The following TMEM87B variants were observed in gnomAD, a reference collection of about 807,000 sequenced individuals.
TMEM87B encodes transmembrane protein 87B.
TMEM87B carries 83 observed loss-of-function variants against 80.3 expected under a neutral mutation model. The ratio of observed to expected loss-of-function variants is 1.03; its 90% CI spans 0.87 to 1.24. The LOEUF is 1.24. TMEM87B is among the 50% of genes most tolerant of loss of function. The pLI, the probability that TMEM87B is intolerant of heterozygous loss-of-function variation, is 0.00. For missense variants in TMEM87B, 625 were observed against 674.4 expected, an observed-to-expected ratio of 0.93 and a Z score of 0.81; for synonymous variants, 219 against 230.5, an observed-to-expected ratio of 0.95 and a Z score of 0.45.
At chr2:112,107,903 C>A in intron 17 of TMEM87B, 63 bp downstream of exon 17, 2 of 1,171,502 alleles carry the variant, frequency 1.7e-6, no homozygotes, top group South Asian at 1.5e-5. Context: ...AGGGATCGTT[C>A]TCATCCTTTG....
At chr2:112,080,982 C>T (rs1678978432) in intron 6 of TMEM87B, 75 bp from the exon 7 acceptor site, 3 of 1,308,496 alleles carry the variant, frequency 2.3e-6, no homozygotes, top group Non-Finnish European at 3.3e-6. Flanking sequence ...ATTCTTGGAG[C>T]CTTCTGGGAA....
chr2:112,068,442 C>T (rs1320811565), intron 4 of TMEM87B, among the ~76,000 whole-genome samples: 1 of 152,188 alleles, frequency 6.6e-6, no homozygotes, highest in Admixed American at 6.5e-5. Context: ...CAATGGCTCG[C>T]ACCCATAATC....
intron 11 of TMEM87B, chr2:112,095,262 T>C: frequency 1.0e-6 from 1 of 968,928 alleles, no homozygotes; most frequent in Non-Finnish European, 1.2e-6. Flanking sequence ...CTGGCCAGCC[T>C]CCCCCTCTCT....
intron 4 of TMEM87B, among the ~76,000 whole-genome samples, chr2:112,070,396 T>C (rs1274855572): frequency 6.6e-6 from 1 of 152,258 alleles, no homozygotes; most frequent in East Asian, 1.9e-4. Context: ...TGCATATGGC[T>C]AGCCAGTTAT....
At chr2:112,075,637 C>T (rs1423392776) in intron 5 of TMEM87B, among the ~76,000 whole-genome samples, 2 of 152,078 alleles carry the variant, frequency 1.3e-5, no homozygotes, top group Non-Finnish European at 1.5e-5. Flanking sequence ...TTTTGGCATT[C>T]TGGGGAATTA....
intron 8 of TMEM87B, among the ~76,000 whole-genome samples, chr2:112,085,675 T>C (rs928934073): frequency 6.6e-6 from 1 of 152,218 alleles, no homozygotes. Flanking sequence ...CTAGAGGATG[T>C]TGTGGTTTTT....
At chr2:112,061,657 GA>G (rs150384221) in intron 2 of TMEM87B, among the ~76,000 whole-genome samples, 3 of 151,536 alleles carry the variant, frequency 2.0e-5, no homozygotes, top group African/African-American at 7.3e-5. Flanking sequence ...AAGTTATATG[GA>G]AAAAAAAGTA....
chr2:112,101,151 T>G (rs894318816), intron 15 of TMEM87B, among the ~76,000 whole-genome samples: 9 of 152,184 alleles, frequency 5.9e-5, no homozygotes, highest in Non-Finnish European at 1.2e-4. Flanking sequence ...TTTATTAATT[T>G]TATTGTAATC....
intron 15 of TMEM87B, 37 bp downstream of exon 15, chr2:112,100,732 C>T (rs1679608262): frequency 2.3e-6 from 3 of 1,301,462 alleles, no homozygotes; most frequent in Non-Finnish European, 3.3e-6. Flanking sequence ...GACCATTGTA[C>T]ATATTGCAAC....
chr2:112,055,393 T>C lies in TMEM87B; in HGVS notation c.-199T>C. The C allele has an allele frequency of 1.7e-6, 1 of 588,600 alleles. No individual in the cohort carries two copies. The highest frequency in any genetic ancestry group is 2.4e-5 in the South Asian group (1 of 42,428). The allele number at this position is 588,600 out of a possible 1,614,324, so 36.5% of individuals were successfully genotyped here. On this transcript the variant is annotated 5_prime_UTR_variant, in exon 1 of 19. Transcript: ENST00000283206. ...CACGCTCGGGCCCGGCTCAGAGCCC[T>C]AAGCCCTGCCTCCCGGTCCTGGCCG...
At chr2:112,089,522 T>C (rs1319072103) in intron 9 of TMEM87B, 103 bp from the exon 10 acceptor site, 3 of 1,012,648 alleles carry the variant, frequency 3.0e-6, no homozygotes, top group Admixed American at 1.8e-5. Flanking sequence ...TGTGATTAGA[T>C]AGTGACTTCC....
At chr2:112,102,128 G>T (rs1434822849) in intron 15 of TMEM87B, among the ~76,000 whole-genome samples, 4 of 152,210 alleles carry the variant, frequency 2.6e-5, no homozygotes, top group Non-Finnish European at 4.4e-5. Context: ...TCTTTAGAAG[G>T]TAAAGGAGGT....
intron 4 of TMEM87B, 101 bp from the exon 5 acceptor site, chr2:112,074,811 A>T (rs1053153743): frequency 1.5e-6 from 2 of 1,321,988 alleles, no homozygotes; most frequent in Non-Finnish European, 9.9e-7. Context: ...TAGCTTTTTA[A>T]TTTTTCATTT....
intron 13 of TMEM87B, among the ~76,000 whole-genome samples, chr2:112,097,584 G>T (rs905147983): frequency 6.6e-6 from 1 of 151,678 alleles, no homozygotes; most frequent in South Asian, 2.1e-4. Context: ...AAATTAGCGG[G>T]TGCCTGTAGT....
intron 18 of TMEM87B, among the ~76,000 whole-genome samples, chr2:112,115,599 A>G (rs559919861): frequency 2.0e-5 from 3 of 152,348 alleles, no homozygotes; most frequent in South Asian, 4.1e-4. Context: ...TGTAATTTCA[A>G]TAATACATTA....
chr2:112,062,262 A>C (rs1298455231), intron 2 of TMEM87B, among the ~76,000 whole-genome samples: 1 of 152,216 alleles, frequency 6.6e-6, no homozygotes. Flanking sequence ...GGGAGATCAG[A>C]TATCTGGCTT....
intron 4 of TMEM87B, among the ~76,000 whole-genome samples, chr2:112,069,859 G>T (rs1378565529): frequency 6.6e-6 from 1 of 152,106 alleles, no homozygotes; most frequent in Admixed American, 6.5e-5. Context: ...TTTAATAATA[G>T]CCATTCTGAC....
intron 8 of TMEM87B, among the ~76,000 whole-genome samples, chr2:112,084,745 TGATCA>T (rs1679095340): frequency 6.6e-6 from 1 of 152,272 alleles, no homozygotes; most frequent in African/African-American, 2.4e-5. Flanking sequence ...CTTCTCTCTG[TGATCA>T]CTGCCGGTAC....
rs1328720507 is a variant in TMEM87B, at chr2:112,117,060, C to T, written c.*917C>T. The T allele has an allele frequency of 6.6e-6, 1 of 152,222 alleles. No homozygotes were observed. Among genetic ancestry groups the T allele is most frequent in the African/African-American group, 2.4e-5 (1 of 41,432 alleles). 9.4% of individuals were successfully genotyped at this position (152,222 alleles called of 1,614,324 possible). On this transcript the variant is annotated 3_prime_UTR_variant, in exon 19 of 19. Transcript: ENST00000283206. The stretch of plus-strand genomic sequence containing the variant: ...ATACATTTAGTTGCATGCTACATCA[C>T]TATTGATTTTATAATTAATTTCTTA...
Sources: gnomAD v4.1 joint callset for allele counts (sites outside exome capture counted in the v4.1 genomes callset) on GRCh38, gnomAD v4.1.1 for gene constraint, MANE v1.5 for transcripts, NCBI Gene and HGNC (gene_info 2026-07-23, HGNC 2026-07-21) for gene names.